Variants in SPAG16 observed in about 807,000 individuals in gnomAD.
SPAG16 encodes the protein sperm-associated antigen 16 protein.
In SPAG16, 86 loss-of-function variants were observed where a neutral mutation model predicts 80.4. The ratio of observed to expected loss-of-function variants is 1.07; its 90% CI spans 0.90 to 1.28. The LOEUF is 1.28. SPAG16 is among the 50% of genes most tolerant of loss of function. SPAG16 has a pLI of 0.00. For missense variants in SPAG16, 870 were observed against 765.3 expected (o/e 1.14, Z -1.61); for synonymous variants, 294 against 265.9 (o/e 1.11, Z -1.03).
At chr2:213,872,570 C>T (rs1038401235) in intron 11 of SPAG16, among the ~76,000 whole-genome samples, 8 of 151,924 alleles carry the variant, frequency 5.3e-5, no homozygotes, top group African/African-American at 1.9e-4. Context: ...CATCTAGATA[C>T]CTTTGATTGT....
chr2:213,647,876 C>A (rs953954754), intron 10 of SPAG16, among the ~76,000 whole-genome samples: 2 of 152,108 alleles, frequency 1.3e-5, no homozygotes, highest in South Asian at 4.1e-4. Context: ...GGCTCAGTTG[C>A]CTCCTTCAAT....
chr2:213,941,469 TAG>T (rs913262549), intron 12 of SPAG16, among the ~76,000 whole-genome samples: 1 of 151,204 alleles, frequency 6.6e-6, no homozygotes, highest in South Asian at 2.1e-4. Context: ...TACGCATACA[TAG>T]AGAGAGAGAG....
At chr2:213,531,359 AGTGTGTGTGTGT>A (rs56011234) in intron 10 of SPAG16, among the ~76,000 whole-genome samples, 17 of 142,016 alleles carry the variant, frequency 1.2e-4, no homozygotes, top group South Asian at 6.8e-4. Context: ...AAAAGATGTG[AGTGTGTGTGTGT>A]GTGTGTGTGT....
chr2:214,270,709 CCCG>C (rs1691927896), intron 15 of SPAG16, among the ~76,000 whole-genome samples: 1 of 152,026 alleles, frequency 6.6e-6, no homozygotes. Flanking sequence ...CTTGATTAGT[CCCG>C]TGGTTGTCTC....
chr2:213,692,699 A>T (rs959342477), intron 10 of SPAG16, among the ~76,000 whole-genome samples: 1 of 151,428 alleles, frequency 6.6e-6, no homozygotes, highest in Non-Finnish European at 1.5e-5. Context: ...AGTCCCAGCT[A>T]TTTGGGAGGA....
chr2:213,643,103 G>C (rs4673750), intron 10 of SPAG16, among the ~76,000 whole-genome samples: 1 of 150,316 alleles, frequency 6.7e-6, no homozygotes, highest in Non-Finnish European at 1.5e-5. Context: ...TGTCCCGCTA[G>C]AGAACTCTGG....
intron 5 of SPAG16, among the ~76,000 whole-genome samples, chr2:213,326,592 A>G (rs927434434): frequency 6.6e-6 from 1 of 152,018 alleles, no homozygotes; most frequent in Non-Finnish European, 1.5e-5. Flanking sequence ...TATAAAATTT[A>G]GTGGGTTAAA....
intron 10 of SPAG16, among the ~76,000 whole-genome samples, chr2:213,528,067 A>G (rs2075950607): frequency 6.6e-6 from 1 of 152,150 alleles, no homozygotes; most frequent in African/African-American, 2.4e-5. Context: ...TTGATAGACC[A>G]TAGACTTTGA....
intron 13 of SPAG16, among the ~76,000 whole-genome samples, chr2:214,016,639 T>G (rs2047605861): frequency 6.6e-6 from 1 of 152,212 alleles, no homozygotes; most frequent in South Asian, 2.1e-4. Context: ...CATGTTTATT[T>G]GCTTATGGGT....
chr2:214,309,094 C>G (rs1457982021), intron 15 of SPAG16, among the ~76,000 whole-genome samples: 24 of 151,960 alleles, frequency 1.6e-4, no homozygotes, highest in Admixed American at 1.6e-3. Context: ...CCTTTTCATT[C>G]TTTTTTTCTC....
chr2:213,594,534 T>C (rs967751588), intron 10 of SPAG16, among the ~76,000 whole-genome samples: 1 of 152,194 alleles, frequency 6.6e-6, no homozygotes, highest in Non-Finnish European at 1.5e-5. Context: ...CTCTTTTTTC[T>C]CTTTCTATAC....
At chr2:214,066,892 T>C (rs997180223) in intron 13 of SPAG16, among the ~76,000 whole-genome samples, 9 of 152,182 alleles carry the variant, frequency 5.9e-5, no homozygotes, top group Non-Finnish European at 1.5e-5. Flanking sequence ...AAAAATTATT[T>C]TCAGGTACTA....
chr2:214,298,928 G>C (rs973705486), intron 15 of SPAG16, among the ~76,000 whole-genome samples: 2 of 152,104 alleles, frequency 1.3e-5, no homozygotes, highest in Non-Finnish European at 2.9e-5. Context: ...GCCTAGTCAG[G>C]GGTATAGTAT....
intron 15 of SPAG16, among the ~76,000 whole-genome samples, chr2:214,358,228 A>C (rs1698946517): frequency 6.6e-6 from 1 of 151,848 alleles, no homozygotes; most frequent in South Asian, 2.1e-4. Flanking sequence ...TCCCAGTTTT[A>C]AATGAGCATC....
chr2:213,858,354 A>T (rs1332852480), intron 10 of SPAG16, among the ~76,000 whole-genome samples: 1 of 152,170 alleles, frequency 6.6e-6, no homozygotes, highest in Non-Finnish European at 1.5e-5. Context: ...CACAACTCTG[A>T]TTGGTCAGCA....
intron 12 of SPAG16, among the ~76,000 whole-genome samples, chr2:214,007,365 G>A (rs1224656798): frequency 2.0e-5 from 3 of 151,698 alleles, no homozygotes; most frequent in African/African-American, 7.3e-5. Context: ...GGAGGCCAAA[G>A]CTGGAAGATT....
At chr2:214,241,776 C>T (rs965304500) in intron 15 of SPAG16, among the ~76,000 whole-genome samples, 2 of 152,074 alleles carry the variant, frequency 1.3e-5, no homozygotes, top group African/African-American at 4.8e-5. Context: ...AGGAGAATAA[C>T]TTAACAACCT....
intron 15 of SPAG16, among the ~76,000 whole-genome samples, chr2:214,280,412 A>G (rs528697246): frequency 1.9e-4 from 29 of 152,206 alleles, no homozygotes; most frequent in Non-Finnish European, 4.0e-4. Context: ...TAGAATCACT[A>G]TAACAACTTT....
Position 213,582,536 on chromosome 2 carries a change from A to G in SPAG16, c.1070+92446A>G, listed in dbSNP as rs149595939. ...TAGAGATTGGGGCAAGAACGAAGAT[A>G]GAAATAGAAAATGAGGGACTTTAAA... On this transcript the variant is annotated intron_variant, in intron 10 of 15. Coordinates refer to ENST00000331683, the MANE Select transcript of SPAG16 (RefSeq NM_024532.5). 1.4e-3 allele frequency among the ~76,000 whole-genome samples: 212 copies of G among 152,270 alleles called. 1 individual carries two copies. In the East Asian group the frequency reaches 0.014, roughly 10 times the overall value.
Sources: allele counts gnomAD v4.1 joint callset (sites outside exome capture counted in the v4.1 genomes callset), GRCh38; gene constraint gnomAD v4.1.1; transcripts MANE v1.5; gene names NCBI Gene and HGNC (gene_info 2026-07-23, HGNC 2026-07-21).